The following NOVA1 variants were observed in gnomAD, a reference collection of about 807,000 sequenced individuals.
NOVA1 encodes RNA-binding protein Nova-1.
A neutral mutation model predicts 38.0 loss-of-function variants in NOVA1; 7 were observed. The observed-to-expected ratio is 0.18, with a 90% CI of 0.10 to 0.35. The LOEUF (loss-of-function observed/expected upper bound fraction) is 0.35, where lower values mean the gene tolerates loss of function less well. Among genes scored for constraint, NOVA1 ranks in the 10% least tolerant of loss-of-function variants. The pLI is 1.00. For missense variants in NOVA1, 460 were observed against 616.0 expected (o/e 0.75, Z 2.68); for synonymous variants, 270 against 232.5 (o/e 1.16, Z -1.47).
intron 2 of NOVA1, among the ~76,000 whole-genome samples, chr14:26,590,319 A>C (rs1438559561): frequency 6.6e-6 from 1 of 151,856 alleles, no homozygotes; most frequent in Admixed American, 6.6e-5. Context: ...ATCAAGCACA[A>C]ATCTCCCACC....
chr14:26,550,621 C>T (rs1011743745), intron 2 of NOVA1, among the ~76,000 whole-genome samples: 4 of 152,116 alleles, frequency 2.6e-5, no homozygotes, highest in Non-Finnish European at 5.9e-5. Flanking sequence ...AGAAATATCA[C>T]TGAATCAAAA....
intron 2 of NOVA1, among the ~76,000 whole-genome samples, chr14:26,552,754 A>G (rs1383681434): frequency 2.6e-5 from 4 of 152,174 alleles, no homozygotes; most frequent in Non-Finnish European, 5.9e-5. Context: ...ATAAACCAAA[A>G]ATAAAGCAAG....
chr14:26,456,629 G>C (rs178224), intron 4 of NOVA1, among the ~76,000 whole-genome samples: 95,820 of 151,710 alleles, frequency 0.63, 32,766 homozygotes, highest in South Asian at 0.75. Flanking sequence ...TTAAAACATT[G>C]GTGTCCGTAT....
chr14:26,522,024 C>A, intron 2 of NOVA1, among the ~76,000 whole-genome samples: 1 of 151,834 alleles, frequency 6.6e-6, no homozygotes, highest in Middle Eastern at 3.2e-3. Context: ...AGAATGAAAT[C>A]TTATGTATTT....
chr14:26,588,200 C>T (rs1408323225), intron 2 of NOVA1, among the ~76,000 whole-genome samples: 1 of 150,050 alleles, frequency 6.7e-6, no homozygotes, highest in South Asian at 2.1e-4. Context: ...AAAAAAAACA[C>T]TACCATCTAA....
chr14:26,557,080 C>T (rs1402541954), intron 2 of NOVA1, among the ~76,000 whole-genome samples: 1 of 152,136 alleles, frequency 6.6e-6, no homozygotes, highest in Non-Finnish European at 1.5e-5. Context: ...ACACATTTCT[C>T]CTCTTATAAG....
intron 2 of NOVA1, among the ~76,000 whole-genome samples, chr14:26,556,471 A>G (rs1238728274): frequency 6.6e-6 from 1 of 152,152 alleles, no homozygotes; most frequent in Non-Finnish European, 1.5e-5. Context: ...AAAATAAAAT[A>G]AAAAACTAAT....
intron 2 of NOVA1, among the ~76,000 whole-genome samples, chr14:26,505,531 A>C (rs1181940102): frequency 6.6e-6 from 1 of 152,206 alleles, no homozygotes; most frequent in Non-Finnish European, 1.5e-5. Flanking sequence ...CCGATTTTTT[A>C]ATAAATTACC....
intron 4 of NOVA1, among the ~76,000 whole-genome samples, chr14:26,465,697 A>G (rs935951754): frequency 2.1e-5 from 3 of 144,426 alleles, no homozygotes; most frequent in African/African-American, 2.6e-5. Context: ...CAAATATTGT[A>G]AAAAAAAAGA....
chr14:26,585,840 T>C (rs942622546), intron 2 of NOVA1, among the ~76,000 whole-genome samples: 3 of 151,246 alleles, frequency 2.0e-5, no homozygotes, highest in South Asian at 2.1e-4. Context: ...AGCCAATACC[T>C]ACCCTAACAC....
intron 2 of NOVA1, among the ~76,000 whole-genome samples, chr14:26,519,903 T>C (rs1888749424): frequency 6.6e-6 from 1 of 152,080 alleles, no homozygotes; most frequent in South Asian, 2.1e-4. Flanking sequence ...ATGCAAGAAA[T>C]AATGAAGAAT....
chr14:26,499,128 G>A lies in NOVA1; in HGVS notation c.281-18985C>T, dbSNP rs758312023. Among the ~76,000 whole-genome samples the A allele has an allele frequency of 5.9e-5, 9 of 152,308 alleles. No homozygotes were observed. The South Asian group carries it at 1.4e-3, about 25-fold the overall frequency. On this transcript the variant is annotated intron_variant, in intron 2 of 4. Coordinates refer to ENST00000539517, the MANE Select transcript of NOVA1 (RefSeq NM_002515.3). Reference sequence around the variant, plus strand: ...CTACATAAAACTATAGCTAATAATAGTGTATTGTTTTCAGGACTTTTGCTA... The same window carrying A: ...CTACATAAAACTATAGCTAATAATAATGTATTGTTTTCAGGACTTTTGCTA...
intron 2 of NOVA1, among the ~76,000 whole-genome samples, chr14:26,495,515 C>A (rs1886697011): frequency 1.3e-5 from 2 of 151,914 alleles, no homozygotes; most frequent in African/African-American, 4.8e-5. Flanking sequence ...GTTTATTATA[C>A]TTTAAGTTTT....
At chr14:26,560,323 C>A (rs900698657) in intron 2 of NOVA1, among the ~76,000 whole-genome samples, 1 of 151,972 alleles carries the variant, frequency 6.6e-6, no homozygotes, top group Non-Finnish European at 1.5e-5. Context: ...TAAAATGAAG[C>A]CTTTATTGAA....
intron 2 of NOVA1, among the ~76,000 whole-genome samples, chr14:26,574,943 C>T (rs924430731): frequency 8.5e-5 from 13 of 152,108 alleles, no homozygotes; most frequent in Non-Finnish European, 1.8e-4. Flanking sequence ...GGATTACAGG[C>T]GTGAGCCACT....
chr14:26,496,521 G>T (rs924831614), intron 2 of NOVA1, among the ~76,000 whole-genome samples: 3 of 151,868 alleles, frequency 2.0e-5, no homozygotes, highest in African/African-American at 4.8e-5. Context: ...GTCAATTTTG[G>T]CTTTTGTTGC....
At chr14:26,473,327 T>A (rs1884735814) in intron 3 of NOVA1, among the ~76,000 whole-genome samples, 2 of 152,082 alleles carry the variant, frequency 1.3e-5, no homozygotes, top group Non-Finnish European at 1.5e-5. Context: ...TTTTTAAGTG[T>A]CATATGCTCA....
chr14:26,523,964 G>A (rs1889109353), intron 2 of NOVA1, among the ~76,000 whole-genome samples: 3 of 151,932 alleles, frequency 2.0e-5, no homozygotes, highest in Admixed American at 1.3e-4. Context: ...TGTTAGCCGG[G>A]ATGGCCTCGA....
intron 2 of NOVA1, among the ~76,000 whole-genome samples, chr14:26,501,939 T>A (rs1887271854): frequency 6.6e-6 from 1 of 151,978 alleles, no homozygotes; most frequent in Non-Finnish European, 1.5e-5. Context: ...GGATTTTCTA[T>A]CATTAAGTGC....
Sources: gnomAD v4.1 joint callset for allele counts (sites outside exome capture counted in the v4.1 genomes callset) on GRCh38, gnomAD v4.1.1 for gene constraint, MANE v1.5 for transcripts, NCBI Gene and HGNC (gene_info 2026-07-23, HGNC 2026-07-21) for gene names.